The following CFAP95 variants were observed in gnomAD, a reference collection of about 807,000 sequenced individuals.
CFAP95 encodes cilia- and flagella-associated protein 95.
At chr9:69,878,901 G>A in the CFAP95 span, among the ~76,000 whole-genome samples, 1 of 152,132 alleles carries the variant, frequency 6.6e-6, no homozygotes, top group Non-Finnish European at 1.5e-5. Context: ...CATGGCAGAA[G>A]GTGAAGGGGG....
the CFAP95 span, among the ~76,000 whole-genome samples, chr9:69,861,091 T>A: frequency 5.3e-5 from 8 of 152,352 alleles, no homozygotes; most frequent in African/African-American, 1.9e-4. Flanking sequence ...TGTACATAAT[T>A]GTATATGCTC....
chr9:69,899,234 A>G, the CFAP95 span, among the ~76,000 whole-genome samples: 8 of 152,224 alleles, frequency 5.3e-5, no homozygotes, highest in Non-Finnish European at 1.2e-4. Flanking sequence ...ATCTGTTTCA[A>G]TACACACTTT....
chr9:69,846,503 T>C, the CFAP95 span, among the ~76,000 whole-genome samples: 32 of 152,362 alleles, frequency 2.1e-4, no homozygotes, highest in African/African-American at 7.7e-4. Flanking sequence ...TTTACATTTT[T>C]CCCTATAGAC....
the CFAP95 span, among the ~76,000 whole-genome samples, chr9:69,899,041 C>T: frequency 6.6e-6 from 1 of 152,166 alleles, no homozygotes; most frequent in Non-Finnish European, 1.5e-5. Flanking sequence ...TCTGCATAAG[C>T]CTTTGTGCAC....
the CFAP95 span, among the ~76,000 whole-genome samples, chr9:69,838,397 T>C: frequency 6.6e-6 from 1 of 151,214 alleles, no homozygotes; most frequent in Admixed American, 6.6e-5. Context: ...TTGTATCCTC[T>C]TTTATTTCCT....
the CFAP95 span, among the ~76,000 whole-genome samples, chr9:69,870,204 T>A: frequency 6.6e-6 from 1 of 152,170 alleles, no homozygotes; most frequent in African/African-American, 2.4e-5. Flanking sequence ...TAGAACCATT[T>A]AATGACTGCA....
At chr9:69,833,869 A>T in the CFAP95 span, among the ~76,000 whole-genome samples, 1 of 152,182 alleles carries the variant, frequency 6.6e-6, no homozygotes, top group Non-Finnish European at 1.5e-5. Flanking sequence ...TCCTGAAGAA[A>T]AGCTTATTTG....
At chr9:69,836,705 T>TA in the CFAP95 span, among the ~76,000 whole-genome samples, 20 of 149,002 alleles carry the variant, frequency 1.3e-4, no homozygotes, top group Admixed American at 4.7e-4. Context: ...TTTTTTTTTT[T>TA]ACATTTTATT....
chr9:69,875,102 C>T, the CFAP95 span, among the ~76,000 whole-genome samples: 14 of 152,254 alleles, frequency 9.2e-5, no homozygotes, highest in Non-Finnish European at 1.9e-4. Flanking sequence ...GAGGAATATC[C>T]ATGTTGATTT....
At chr9:69,832,222 G>A in the CFAP95 span, among the ~76,000 whole-genome samples, 1 of 152,110 alleles carries the variant, frequency 6.6e-6, no homozygotes, top group East Asian at 1.9e-4. Flanking sequence ...TCAGAGGTTA[G>A]GATATTGTGA....
chr9:69,832,001 T>C, the CFAP95 span, among the ~76,000 whole-genome samples: 2 of 152,204 alleles, frequency 1.3e-5, no homozygotes, highest in Non-Finnish European at 2.9e-5. Flanking sequence ...AGAACTAACA[T>C]GTATCTAGCG....
At chr9:69,882,289 G>A in the CFAP95 span, among the ~76,000 whole-genome samples, 1 of 152,056 alleles carries the variant, frequency 6.6e-6, no homozygotes, top group African/African-American at 2.4e-5. Flanking sequence ...ACTGATTTTT[G>A]TATGTTGATT....
chr9:69,861,341 T>A, the CFAP95 span, among the ~76,000 whole-genome samples: 1 of 152,194 alleles, frequency 6.6e-6, no homozygotes, highest in Non-Finnish European at 1.5e-5. Flanking sequence ...TATTTCCAGA[T>A]AAGCCTCTTC....
chr9:69,841,522 G>A, the CFAP95 span, among the ~76,000 whole-genome samples: 1 of 152,136 alleles, frequency 6.6e-6, no homozygotes, highest in Admixed American at 6.5e-5. Context: ...ACAAATAGGA[G>A]AAGGCCAGAG....
At chr9:69,854,344 G>A in the CFAP95 span, among the ~76,000 whole-genome samples, 1 of 152,176 alleles carries the variant, frequency 6.6e-6, no homozygotes. Flanking sequence ...TTATCCCCAT[G>A]ATTTACTATA....
At chr9:69,870,558 A>G in the CFAP95 span, among the ~76,000 whole-genome samples, 1 of 152,202 alleles carries the variant, frequency 6.6e-6, no homozygotes, top group Non-Finnish European at 1.5e-5. Context: ...TCCAATCCCC[A>G]TTCTGTTCCA....
chr9:69,876,864 A>G, the CFAP95 span, among the ~76,000 whole-genome samples: 1 of 152,170 alleles, frequency 6.6e-6, no homozygotes, highest in Non-Finnish European at 1.5e-5. Flanking sequence ...CAAACTCCTG[A>G]CCTCAAGTGA....
the CFAP95 span, among the ~76,000 whole-genome samples, chr9:69,892,064 C>T: frequency 6.6e-6 from 1 of 152,114 alleles, no homozygotes; most frequent in Non-Finnish European, 1.5e-5. Flanking sequence ...ATGACATCCG[C>T]ATTTTTTTAT....
chr9:69,882,161 T>C, the CFAP95 span, among the ~76,000 whole-genome samples: 21 of 152,098 alleles, frequency 1.4e-4, no homozygotes, highest in African/African-American at 3.9e-4. Flanking sequence ...TTTTGTATTT[T>C]TGTAGAAGCT....
Sources: gnomAD v4.1 joint callset for allele counts (sites outside exome capture counted in the v4.1 genomes callset) on GRCh38, gnomAD v4.1.1 for gene constraint, MANE v1.5 for transcripts, NCBI Gene and HGNC (gene_info 2026-07-23, HGNC 2026-07-21) for gene names.